Variants in PRDM5 observed in about 807,000 individuals in gnomAD.
PRDM5 encodes PR/SET domain 5, also known as PR domain zinc finger protein 5.
In PRDM5, 56 loss-of-function variants were observed where a neutral mutation model predicts 81.2. That is an observed-to-expected ratio of 0.69 (90% CI 0.56 to 0.86). The LOEUF (loss-of-function observed/expected upper bound fraction) is 0.86. Ranked by LOEUF, PRDM5 falls within the 40% of genes least tolerant of loss-of-function variation. PRDM5 has a pLI of 0.00. For synonymous variants in PRDM5, 267 were observed against 256.4 expected (o/e 1.04, Z -0.39); for missense variants, 697 against 770.1 (o/e 0.91, Z 1.12).
In PRDM5 at chr4:120,847,837, C is replaced by T. The variant is rs545837311; in HGVS notation, c.300+5581G>A. Among the ~76,000 whole-genome samples the T allele has an allele frequency of 2.0e-5, 3 of 152,084 alleles. No individual in the cohort carries two copies. In the South Asian group the frequency reaches 6.2e-4, roughly 32 times the overall value. On this transcript the variant is annotated intron_variant, in intron 3 of 15. Transcript: ENST00000264808. ...AAGGTTATAAAAGATTCTGTTTTAC[C>T]GCTGGGTGAGACATGGATACTGGGA...
chr4:120,918,842 T>A (rs555553469), intron 1 of PRDM5, among the ~76,000 whole-genome samples: 1 of 152,220 alleles, frequency 6.6e-6, no homozygotes, highest in South Asian at 2.1e-4. Context: ...AAAATGAGGA[T>A]GTGCCAATTA....
chr4:120,747,041 C>T (rs933292401), intron 14 of PRDM5, among the ~76,000 whole-genome samples: 3 of 145,158 alleles, frequency 2.1e-5, no homozygotes. Flanking sequence ...ACCCAAATGT[C>T]CAACAATGAT....
chr4:120,685,824 C>CT (rs746089048), intron 1 of PRDM5, among the ~76,000 whole-genome samples: 28 of 152,132 alleles, frequency 1.8e-4, no homozygotes, highest in Admixed American at 3.9e-4. Flanking sequence ...CCCTCCTTTT[C>CT]TTTTTGTCCT....
chr4:120,811,675 G>A (rs1057477013), intron 7 of PRDM5, among the ~76,000 whole-genome samples: 1 of 151,856 alleles, frequency 6.6e-6, no homozygotes, highest in South Asian at 2.1e-4. Flanking sequence ...GTATATAGGG[G>A]AGCCTTCAGA....
At chr4:120,746,333 G>A (rs1743036178) in intron 14 of PRDM5, among the ~76,000 whole-genome samples, 1 of 147,542 alleles carries the variant, frequency 6.8e-6, no homozygotes, top group Admixed American at 6.8e-5. Context: ...AAAAACCCTA[G>A]AAGAAAACCT....
chr4:120,901,450 G>A (rs1363125777), intron 2 of PRDM5, among the ~76,000 whole-genome samples: 2 of 152,162 alleles, frequency 1.3e-5, no homozygotes, highest in African/African-American at 2.4e-5. Flanking sequence ...GGAGACAGAC[G>A]TAGGAAAATA....
At chr4:120,724,934 C>G (rs189622441) in intron 14 of PRDM5, among the ~76,000 whole-genome samples, 1 of 152,118 alleles carries the variant, frequency 6.6e-6, no homozygotes, top group Non-Finnish European at 1.5e-5. Flanking sequence ...CGCACAGATG[C>G]AAGGAGGTAG....
intron 13 of PRDM5, among the ~76,000 whole-genome samples, chr4:120,763,310 G>A (rs1170241453): frequency 6.6e-6 from 1 of 152,058 alleles, no homozygotes; most frequent in Admixed American, 6.6e-5. Context: ...AAAAGAATAC[G>A]AGATGCAGAA....
chr4:120,770,230 T>C lies in PRDM5; in HGVS notation c.1537+6958A>G, dbSNP rs189812563. On this transcript the variant is annotated intron_variant, in intron 13 of 15. Coordinates refer to ENST00000264808, the MANE Select transcript of PRDM5 (RefSeq NM_018699.4). ...TTTTAGTAGAGACGGGGTTTCGCCATGTTGGCCAGGCTGGTCTCAAACTCC... is the reference window on the plus strand; with the variant it reads ...TTTTAGTAGAGACGGGGTTTCGCCACGTTGGCCAGGCTGGTCTCAAACTCC... Among the ~76,000 whole-genome samples the C allele has an allele frequency of 1.5e-3, 235 of 152,224 alleles. 3 individuals are homozygous for C. The highest frequency in any genetic ancestry group is 4.6e-3 in the Admixed American group (71 of 15,278).
intron 2 of PRDM5, among the ~76,000 whole-genome samples, chr4:120,901,198 C>A (rs1379091010): frequency 2.0e-5 from 3 of 152,150 alleles, no homozygotes; most frequent in Non-Finnish European, 4.4e-5. Context: ...GAAGTATAGA[C>A]TGTACCCAAT....
intron 14 of PRDM5, among the ~76,000 whole-genome samples, chr4:120,736,278 C>G (rs891560574): frequency 1.3e-5 from 2 of 151,166 alleles, no homozygotes; most frequent in Non-Finnish European, 2.9e-5. Context: ...TTGATGGATA[C>G]TCAGGTTGAT....
chr4:120,803,424 A>G (rs1306790709), intron 8 of PRDM5, among the ~76,000 whole-genome samples: 1 of 152,224 alleles, frequency 6.6e-6, no homozygotes, highest in Admixed American at 6.5e-5. Context: ...CAAAGTTGAA[A>G]TGAAGGAAAA....
intron 10 of PRDM5, among the ~76,000 whole-genome samples, chr4:120,793,575 C>T (rs1578756289): frequency 6.6e-6 from 1 of 152,180 alleles, no homozygotes; most frequent in Admixed American, 6.5e-5. Context: ...CTTGTGGCTA[C>T]ATTTAGTAAT....
At chr4:120,839,122 G>A in intron 3 of PRDM5, 1 of 660,644 alleles carries the variant, frequency 1.5e-6, no homozygotes, top group Non-Finnish European at 2.8e-6. Context: ...CACAGCCCTG[G>A]CTTGGGGAGC....
At position 120,776,083 on chromosome 4, in the gene PRDM5, C is replaced by G. The variant is rs115323739; in HGVS notation, c.1537+1105G>C. On this transcript the variant is annotated intron_variant, in intron 13 of 15. Coordinates refer to ENST00000264808, the MANE Select transcript of PRDM5 (RefSeq NM_018699.4). ...TTTGGGGCTCTCTGCTTCTGCAACACTTGATCCTAAAAGCCTCACTTTCTC... is the reference window on the plus strand; with the variant it reads ...TTTGGGGCTCTCTGCTTCTGCAACAGTTGATCCTAAAAGCCTCACTTTCTC... 3.1e-3 allele frequency among the ~76,000 whole-genome samples: 466 copies of G among 152,278 alleles called. 3 individuals are homozygous for G. The highest frequency in any genetic ancestry group is 0.011 in the African/African-American group (459 of 41,566).
intron 13 of PRDM5, among the ~76,000 whole-genome samples, chr4:120,772,260 A>T (rs1747401982): frequency 6.6e-6 from 1 of 152,034 alleles, no homozygotes; most frequent in African/African-American, 2.4e-5. Context: ...ATCAGCAAAA[A>T]CCTTACTGAT....
At chr4:120,862,579 C>T (rs1268947827) in intron 2 of PRDM5, among the ~76,000 whole-genome samples, 1 of 152,150 alleles carries the variant, frequency 6.6e-6, no homozygotes, top group Non-Finnish European at 1.5e-5. Flanking sequence ...GCCAAAAAGT[C>T]CTGCCTGTAA....
chr4:120,727,741 G>C (rs1244717163), intron 14 of PRDM5, among the ~76,000 whole-genome samples: 1 of 152,034 alleles, frequency 6.6e-6, no homozygotes, highest in African/African-American at 2.4e-5. Flanking sequence ...TTCGAGACTA[G>C]CCTGGCCAAC....
Position 120,818,333 on chromosome 4 carries a change from T to C in PRDM5, c.650+20A>G. ...CTGTGTTAGCTTATAATTTTAAAGA[T>C]ATTTCTTTAATATACGCACTGTCTT... On this transcript the variant is annotated intron_variant, in intron 5 of 15. Transcript: ENST00000264808. 6.2e-7 allele frequency: 1 copy of C among 1,604,128 alleles called. No homozygotes were observed. The highest frequency in any genetic ancestry group is 8.5e-7 in the Non-Finnish European group (1 of 1,171,324).
Sources: gnomAD v4.1 joint callset for allele counts (sites outside exome capture counted in the v4.1 genomes callset) on GRCh38, gnomAD v4.1.1 for gene constraint, MANE v1.5 for transcripts, NCBI Gene and HGNC (gene_info 2026-07-23, HGNC 2026-07-21) for gene names.